The following SSU72 variants were observed in gnomAD, a reference collection of about 807,000 sequenced individuals.
SSU72 encodes RNA polymerase II subunit A C-terminal domain phosphatase SSU72.
SSU72 carries 12 observed loss-of-function variants against 22.7 expected under a neutral mutation model. The observed-to-expected ratio is 0.53, with a 90% CI of 0.34 to 0.86. The LOEUF is 0.86. Ranked by LOEUF, SSU72 falls within the 40% of genes least tolerant of loss-of-function variation. The pLI, the probability that SSU72 is intolerant of heterozygous loss-of-function variation, is 0.02. For missense variants in SSU72, 151 were observed against 249.8 expected (o/e 0.60, Z 2.67); for synonymous variants, 116 against 98.3 (o/e 1.18, Z -1.06).
chr1:1,567,332 C>T (rs1288447368), intron 1 of SSU72, among the ~76,000 whole-genome samples: 3 of 152,124 alleles, frequency 2.0e-5, no homozygotes, highest in Non-Finnish European at 2.9e-5. Context: ...CTAGATATTC[C>T]GAGCTACACA....
intron 1 of SSU72, among the ~76,000 whole-genome samples, chr1:1,571,434 CAA>C (rs200572913): frequency 2.8e-4 from 32 of 114,286 alleles, no homozygotes; most frequent in Non-Finnish European, 3.8e-4. Context: ...CCGACTTCAA[CAA>C]AAAAAAAAAA....
rs866483050 is a variant in SSU72 at position 1,549,406 on chromosome 1, G to C, written c.225-4404C>G. ...CGTGGTGGCAGGCGCCTGTAGTCCCGGCTACTCAGGAGGCTGAGGCGGGAG... is the reference window on the plus strand; with the variant it reads ...CGTGGTGGCAGGCGCCTGTAGTCCCCGCTACTCAGGAGGCTGAGGCGGGAG... On this transcript the variant is annotated intron_variant, in intron 2 of 4. Coordinates refer to ENST00000291386, the MANE Select transcript of SSU72 (RefSeq NM_014188.3). Among the ~76,000 whole-genome samples the C allele has an allele frequency of 7.3e-5, 11 of 151,498 alleles. No homozygotes were observed. In the South Asian group the frequency reaches 2.1e-3, roughly 29 times the overall value.
intron 1 of SSU72, among the ~76,000 whole-genome samples, chr1:1,568,294 A>C (rs2100721907): frequency 6.6e-6 from 1 of 152,302 alleles, no homozygotes; most frequent in East Asian, 1.9e-4. Flanking sequence ...GGTATGCCAA[A>C]CAACTGTCTT....
chr1:1,559,634 G>T (rs186551093), intron 2 of SSU72, among the ~76,000 whole-genome samples: 2 of 151,992 alleles, frequency 1.3e-5, no homozygotes, highest in Non-Finnish European at 2.9e-5. Context: ...ATCTCAGCTC[G>T]CTGCAGCCTC....
intron 1 of SSU72, among the ~76,000 whole-genome samples, chr1:1,567,234 A>C (rs1359597675): frequency 6.6e-6 from 1 of 152,150 alleles, no homozygotes; most frequent in Non-Finnish European, 1.5e-5. Flanking sequence ...CACGTCACCC[A>C]CACACACAGA....
At chr1:1,552,750 G>A (rs1642468478) in intron 2 of SSU72, among the ~76,000 whole-genome samples, 1 of 152,190 alleles carries the variant, frequency 6.6e-6, no homozygotes. Context: ...GCCGGGCGCG[G>A]TGCCTCACTC....
chr1:1,558,345 A>G (rs1642545422), intron 2 of SSU72, among the ~76,000 whole-genome samples: 1 of 152,158 alleles, frequency 6.6e-6, no homozygotes, highest in African/African-American at 2.4e-5. Flanking sequence ...TGCAGCCCAC[A>G]CGACAGAGAG....
intron 1 of SSU72, among the ~76,000 whole-genome samples, chr1:1,568,461 AGGCGTGGTGGTGCGC>A (rs1237127646): frequency 1.2e-4 from 19 of 152,192 alleles, no homozygotes; most frequent in African/African-American, 3.6e-4. Context: ...AAAAAAAGCC[AGGCGTGGTGGTGCGC>A]GCCTGTAATC....
At chr1:1,563,237 T>C (rs767861861) in intron 2 of SSU72, 8 of 152,186 alleles carry the variant, frequency 5.3e-5, no homozygotes, top group Non-Finnish European at 1.0e-4. Context: ...TTTTAGCTTA[T>C]TAAATATTCC....
In SSU72 at chr1:1,542,190, AG is replaced by A. The variant is rs2100701829; in HGVS notation, c.484-24del. On this transcript the variant is annotated intron_variant, in intron 4 of 4. Coordinates refer to ENST00000291386, the MANE Select transcript of SSU72 (RefSeq NM_014188.3). The surrounding 1 kb of genome is among the most constrained non-coding windows in gnomAD (Gnocchi z 4.4). ...GATCTGCAAGGACAGGACCGTGGTG[AG>A]GGCCTTGCCCACTCCTGCCTGTCTG... 1.3e-6 allele frequency: 2 copies of A among 1,561,264 alleles called. No homozygotes were observed. Among genetic ancestry groups the A allele is most frequent in the East Asian group, 2.4e-5 (1 of 42,372 alleles).
chr1:1,549,582 TAATCCCAC>T (rs1478100555), intron 2 of SSU72, among the ~76,000 whole-genome samples: 1 of 151,604 alleles, frequency 6.6e-6, no homozygotes, highest in Non-Finnish European at 1.5e-5. Flanking sequence ...CTCACACCTA[TAATCCCAC>T]CACTTTGGGA....
intron 2 of SSU72, among the ~76,000 whole-genome samples, chr1:1,558,117 G>A (rs970870053): frequency 2.0e-5 from 3 of 150,496 alleles, no homozygotes; most frequent in Admixed American, 6.7e-5. Context: ...CAGGAAAATC[G>A]CTTGAACCCA....
Position 1,574,647 on chromosome 1 carries a change from C to A in SSU72, c.-90G>T. On this transcript the variant is annotated 5_prime_UTR_variant, in exon 1 of 5. Transcript: ENST00000291386. ...CGAACAAAATGGCGGCCGCGGTGGC[C>A]GGAAGCGGGCGACGCGAAACGACGG... 1 of 1,273,020 alleles carries A rather than the reference C, an allele frequency of 7.9e-7. No individual in the cohort carries two copies. The highest frequency in any genetic ancestry group is 1.0e-6 in the Non-Finnish European group (1 of 975,322). The allele number at this position is 1,273,020 out of a possible 1,614,324, so 78.9% of individuals were successfully genotyped here.
At chr1:1,551,200 G>A (rs1642451716) in intron 2 of SSU72, among the ~76,000 whole-genome samples, 1 of 152,210 alleles carries the variant, frequency 6.6e-6, no homozygotes. Context: ...CCATGGAGAA[G>A]CCACACACGT....
At chr1:1,564,394 G>A (rs1419502460) in intron 2 of SSU72, 37 of 1,326,058 alleles carry the variant, frequency 2.8e-5, no homozygotes, top group Admixed American at 5.9e-5. Context: ...AGGCACGCAC[G>A]CACACACGCA....
rs1000278304 is a variant in SSU72 at position 1,542,792 on chromosome 1, A to C, written c.484-625T>G. ...AAATCGTGCAATAACTTCTGGGACG[A>C]CATTTTCTTATGACCTTTTCTCCTG... On this transcript the variant is annotated intron_variant, in intron 4 of 4. Transcript: ENST00000291386. The surrounding 1 kb of genome is among the most constrained non-coding windows in gnomAD (Gnocchi z 4.4). 5.9e-5 allele frequency among the ~76,000 whole-genome samples: 9 copies of C among 152,078 alleles called. No homozygotes were observed. Among genetic ancestry groups the C allele is most frequent in the African/African-American group, 2.2e-4 (9 of 41,418 alleles).
intron 2 of SSU72, chr1:1,561,882 C>A: frequency 6.6e-6 from 1 of 152,546 alleles, no homozygotes. Context: ...AAGCAGAGCC[C>A]GTGGCTGACA....
At position 1,542,786 on chromosome 1, in the gene SSU72, G is replaced by A. The variant is rs1041875983; in HGVS notation, c.484-619C>T. ...AAGCAGAAATCGTGCAATAACTTCT[G>A]GGACGACATTTTCTTATGACCTTTT... is the stretch of plus-strand genomic sequence containing the variant. On this transcript the variant is annotated intron_variant, in intron 4 of 4. Coordinates refer to ENST00000291386, the MANE Select transcript of SSU72 (RefSeq NM_014188.3). This position sits in a 1 kb window ranked among gnomAD's most constrained non-coding sequence, Gnocchi z 4.4. Among the ~76,000 whole-genome samples, 12 of 152,076 alleles carry A rather than the reference G, an allele frequency of 7.9e-5. No individual in the cohort carries two copies. The highest frequency in any genetic ancestry group is 2.9e-4 in the African/African-American group (12 of 41,400).
chr1:1,574,668 G>A lies in SSU72; in HGVS notation c.-111C>T. On this transcript the variant is annotated 5_prime_UTR_variant, in exon 1 of 5. Coordinates refer to ENST00000291386, the MANE Select transcript of SSU72 (RefSeq NM_014188.3). ...TGGCCGGAAGCGGGCGACGCGAAAC[G>A]ACGGCGCCGGCGGTGTAGCGTGCGG... The A allele has an allele frequency of 6.2e-6, 7 of 1,131,744 alleles. No homozygotes were observed. The highest frequency in any genetic ancestry group is 2.9e-4 in the Middle Eastern group (1 of 3,402). 70.1% of individuals were successfully genotyped at this position (1,131,744 alleles called of 1,614,324 possible). A position where few individuals can be genotyped will look rare whatever the true frequency, so the allele number is the denominator to read the frequency against.
Sources: gnomAD v4.1 joint callset for allele counts (sites outside exome capture counted in the v4.1 genomes callset) on GRCh38, gnomAD v4.1.1 for gene constraint, Gnocchi (gnomAD v3.1) non-coding constraint, MANE v1.5 for transcripts, NCBI Gene and HGNC (gene_info 2026-07-23, HGNC 2026-07-21) for gene names.